The following MDGA2 variants were observed in gnomAD, a reference collection of about 807,000 sequenced individuals.
MDGA2 encodes MAM domain containing glycosylphosphatidylinositol anchor 2.
MDGA2 carries 40 observed loss-of-function variants against 117.8 expected under a neutral mutation model. The ratio of observed to expected loss-of-function variants is 0.34; its 90% CI spans 0.26 to 0.44. The LOEUF (loss-of-function observed/expected upper bound fraction) is 0.44, where lower values mean the gene tolerates loss of function less well. MDGA2 is among the 20% of genes least tolerant of loss of function. MDGA2 has a pLI of 1.00. For synonymous variants in MDGA2, 452 were observed against 439.0 expected (o/e 1.03, Z -0.37); for missense variants, 1,123 against 1,250.6 (o/e 0.90, Z 1.54).
chr14:46,916,267 C>G (rs1883893319), intron 10 of MDGA2, among the ~76,000 whole-genome samples: 1 of 152,084 alleles, frequency 6.6e-6, no homozygotes, highest in South Asian at 2.1e-4. Context: ...CAGCATCCTC[C>G]ATAGGATGAA....
intron 8 of MDGA2, among the ~76,000 whole-genome samples, chr14:47,009,066 C>T (rs368851965): frequency 9.9e-5 from 15 of 151,958 alleles, no homozygotes; most frequent in African/African-American, 2.4e-4. Flanking sequence ...ACCAGGTTTA[C>T]GATATTTAAT....
At chr14:47,499,043 T>G (rs1330418536) in intron 1 of MDGA2, among the ~76,000 whole-genome samples, 1 of 152,258 alleles carries the variant, frequency 6.6e-6, no homozygotes, top group Middle Eastern at 3.4e-3. Context: ...CCTTGTATTA[T>G]ATGCCAATAT....
At chr14:47,198,366 A>C (rs1361590807) in intron 3 of MDGA2, among the ~76,000 whole-genome samples, 1 of 152,164 alleles carries the variant, frequency 6.6e-6, no homozygotes, top group Non-Finnish European at 1.5e-5. Context: ...AGGTCAGGAG[A>C]TCGAGACCAT....
chr14:47,612,190 T>TGATA (rs200567621), intron 1 of MDGA2, among the ~76,000 whole-genome samples: 31 of 143,680 alleles, frequency 2.2e-4, no homozygotes, highest in African/African-American at 4.4e-4. Flanking sequence ...ATTTCAAATG[T>TGATA]GATAGATAGA....
chr14:47,351,382 T>C (rs1024249989), intron 1 of MDGA2, among the ~76,000 whole-genome samples: 2 of 152,144 alleles, frequency 1.3e-5, no homozygotes, highest in South Asian at 2.1e-4. Context: ...GCACCTGGAC[T>C]GATCACATCT....
intron 2 of MDGA2, among the ~76,000 whole-genome samples, chr14:47,293,467 G>C (rs1038195225): frequency 4.6e-5 from 7 of 152,134 alleles, no homozygotes; most frequent in Non-Finnish European, 1.0e-4. Context: ...TCCAGGCATA[G>C]AGAAGAGACA....
intron 3 of MDGA2, among the ~76,000 whole-genome samples, chr14:47,154,056 A>G (rs1456128019): frequency 6.6e-6 from 1 of 152,200 alleles, no homozygotes; most frequent in Non-Finnish European, 1.5e-5. Context: ...AAAAACATAA[A>G]AAATAAAAAA....
intron 1 of MDGA2, among the ~76,000 whole-genome samples, chr14:47,349,111 C>T (rs551786829): frequency 6.6e-6 from 1 of 152,064 alleles, no homozygotes; most frequent in Non-Finnish European, 1.5e-5. Context: ...AACAGAGAGA[C>T]AAAAGGGAAC....
intron 2 of MDGA2, among the ~76,000 whole-genome samples, chr14:47,232,786 C>A (rs1886734989): frequency 6.6e-6 from 1 of 152,066 alleles, no homozygotes; most frequent in Non-Finnish European, 1.5e-5. Context: ...CTCTTAGCTG[C>A]CTAAGTATTA....
chr14:46,963,028 T>C (rs1466077003), intron 8 of MDGA2, among the ~76,000 whole-genome samples: 1 of 152,148 alleles, frequency 6.6e-6, no homozygotes, highest in Non-Finnish European at 1.5e-5. Context: ...ATGTAAAATA[T>C]ATATTTTTTC....
intron 14 of MDGA2, among the ~76,000 whole-genome samples, chr14:46,872,949 T>A (rs1882071087): frequency 6.6e-6 from 1 of 151,770 alleles, no homozygotes; most frequent in Non-Finnish European, 1.5e-5. Context: ...GGACCTAGAA[T>A]GTTCTTAAAT....
chr14:47,630,030 G>A (rs917209958), intron 1 of MDGA2, among the ~76,000 whole-genome samples: 2 of 151,866 alleles, frequency 1.3e-5, no homozygotes, highest in Non-Finnish European at 1.5e-5. Context: ...AACATAACTT[G>A]TGGGGAGGGC....
At chr14:47,651,941 T>C (rs1370480163) in intron 1 of MDGA2, among the ~76,000 whole-genome samples, 1 of 152,154 alleles carries the variant, frequency 6.6e-6, no homozygotes, top group Non-Finnish European at 1.5e-5. Flanking sequence ...TTAATGTTGA[T>C]GCCTTTGAGC....
chr14:47,007,741 A>G lies in MDGA2; in HGVS notation c.1819+27270T>C, dbSNP rs923645767. ...ACTGATACTTTTCAATGATCACCCAATCATTTCTCTTGTCCCTCAATTATC... is the reference window on the plus strand; with the variant it reads ...ACTGATACTTTTCAATGATCACCCAGTCATTTCTCTTGTCCCTCAATTATC... On this transcript the variant is annotated intron_variant, in intron 8 of 16. Transcript: ENST00000399232. 2.6e-5 allele frequency among the ~76,000 whole-genome samples: 4 copies of G among 151,790 alleles called. No individual in the cohort carries two copies. In the East Asian group the frequency reaches 5.8e-4, roughly 22 times the overall value.
Position 47,457,167 on chromosome 14 carries a change from T to C in MDGA2, c.281-155617A>G, listed in dbSNP as rs141944325. On this transcript the variant is annotated intron_variant, in intron 1 of 16. Transcript: ENST00000399232. Reference sequence around the variant, plus strand: ...TTAACATACATATTTTACTACCAACTTTGAATGAGAAAATTTAATGTTTCT... The same window carrying C: ...TTAACATACATATTTTACTACCAACCTTGAATGAGAAAATTTAATGTTTCT... Among the ~76,000 whole-genome samples the C allele has an allele frequency of 1.5e-3, 227 of 152,320 alleles. 2 individuals carry two copies. The highest frequency in any genetic ancestry group is 5.2e-3 in the African/African-American group (218 of 41,576).
At chr14:46,991,624 C>T (rs1236555020) in intron 8 of MDGA2, among the ~76,000 whole-genome samples, 1 of 152,070 alleles carries the variant, frequency 6.6e-6, no homozygotes, top group Non-Finnish European at 1.5e-5. Flanking sequence ...CATTTCCCAA[C>T]TTACAACAAT....
intron 2 of MDGA2, 74 bp from the exon 3 acceptor site, chr14:47,218,269 T>G (rs765585915): frequency 1.7e-5 from 22 of 1,289,984 alleles, no homozygotes; most frequent in Non-Finnish European, 2.3e-5. Context: ...AATCACTCAT[T>G]TGAAGAGTTT....
chr14:46,839,714 A>C (rs1268312686), downstream of MDGA2, among the ~76,000 whole-genome samples: 2 of 151,928 alleles, frequency 1.3e-5, no homozygotes. Context: ...AACTCTGAAA[A>C]AATTTTAAGA....
intron 2 of MDGA2, among the ~76,000 whole-genome samples, chr14:47,291,617 C>T (rs1210006754): frequency 2.0e-5 from 3 of 152,216 alleles, no homozygotes. Flanking sequence ...GCAAAATCAT[C>T]TGGATACACA....
Sources: allele counts gnomAD v4.1 joint callset (sites outside exome capture counted in the v4.1 genomes callset), GRCh38; gene constraint gnomAD v4.1.1; transcripts MANE v1.5; gene names NCBI Gene and HGNC (gene_info 2026-07-23, HGNC 2026-07-21).